The following C10orf90 variants were observed in gnomAD, a reference collection of about 807,000 sequenced individuals.
The protein encoded by C10orf90 is chromosome 10 open reading frame 90.
In C10orf90, 56 loss-of-function variants were observed where a neutral mutation model predicts 62.5. That is an observed-to-expected ratio of 0.90 (90% CI 0.72 to 1.12). C10orf90 has a LOEUF of 1.12. C10orf90 is among the 50% of genes most tolerant of loss of function. The pLI, the probability that C10orf90 is intolerant of heterozygous loss-of-function variation, is 0.00. For synonymous variants in C10orf90, 386 were observed against 340.4 expected (o/e 1.13, Z -1.47); for missense variants, 970 against 880.4 (o/e 1.10, Z -1.29).
chr10:126,604,685 G>A (rs1294653084), intron 2 of C10orf90, among the ~76,000 whole-genome samples: 1 of 152,222 alleles, frequency 6.6e-6, no homozygotes, highest in Non-Finnish European at 1.5e-5. Flanking sequence ...CAAAGGGTCA[G>A]AAAGGCTGAG....
intron 2 of C10orf90, among the ~76,000 whole-genome samples, chr10:126,616,629 T>C (rs7082850): frequency 0.048 from 7,328 of 152,218 alleles, 510 homozygotes; most frequent in African/African-American, 0.16. Context: ...GCTCTTTGTC[T>C]ACTAACTTAA....
intron 4 of C10orf90, among the ~76,000 whole-genome samples, chr10:126,490,107 A>G (rs1464951840): frequency 9.4e-6 from 1 of 106,684 alleles, no homozygotes; most frequent in African/African-American, 3.4e-5. Context: ...TATAATATAT[A>G]TGTATATAAT....
Position 126,503,692 on chromosome 10 carries a change from C to T in C10orf90, c.1534+265G>A, listed in dbSNP as rs776491622. On this transcript the variant is annotated intron_variant, in intron 4 of 9. Coordinates refer to ENST00000488181, the MANE Select transcript of C10orf90 (RefSeq NM_001350921.2). The stretch of plus-strand genomic sequence containing the variant: ...AACTTCCTTTGGAGGCCCTCATTTC[C>T]TTCTCATTACATATGGTCTGGAACT... Among the ~76,000 whole-genome samples the T allele has an allele frequency of 1.0e-3, 153 of 152,256 alleles. 1 individual carries two copies. Among genetic ancestry groups the T allele is most frequent in the Non-Finnish European group, 1.9e-3 (130 of 68,024 alleles).
At chr10:126,574,192 T>C (rs1170810080) in intron 2 of C10orf90, among the ~76,000 whole-genome samples, 2 of 152,204 alleles carry the variant, frequency 1.3e-5, no homozygotes, top group African/African-American at 4.8e-5. Flanking sequence ...ATGTTGTGCA[T>C]AGTCACAAAA....
At chr10:126,655,564 C>T (rs1023055210) in intron 1 of C10orf90, among the ~76,000 whole-genome samples, 3 of 152,144 alleles carry the variant, frequency 2.0e-5, no homozygotes, top group Non-Finnish European at 2.9e-5. Flanking sequence ...ATGAGCTGTA[C>T]TTGACAATGT....
At chr10:126,462,467 C>T (rs79692905) in intron 5 of C10orf90, among the ~76,000 whole-genome samples, 6,442 of 152,238 alleles carry the variant, frequency 0.042, 464 homozygotes, top group African/African-American at 0.15. Context: ...CAAAAGTCTC[C>T]CTCCCCTTCC....
chr10:126,430,032 C>T (rs370674545), intron 7 of C10orf90, among the ~76,000 whole-genome samples, 182 bp from the exon 8 acceptor site: 6 of 152,136 alleles, frequency 3.9e-5, no homozygotes, highest in East Asian at 1.9e-4. Flanking sequence ...TGGCCAACAA[C>T]GGGTTTGGTC....
At chr10:126,581,535 TC>T (rs1329025409) in intron 2 of C10orf90, among the ~76,000 whole-genome samples, 1 of 152,024 alleles carries the variant, frequency 6.6e-6, no homozygotes, top group African/African-American at 2.4e-5. Context: ...TCATGTTTCC[TC>T]TCTTCTCCTT....
intron 1 of C10orf90, among the ~76,000 whole-genome samples, chr10:126,669,486 A>C (rs1846702180): frequency 6.6e-6 from 1 of 152,236 alleles, no homozygotes; most frequent in African/African-American, 2.4e-5. Context: ...ACATCTATCA[A>C]AAGAGATGGG....
chr10:126,636,136 C>T (rs994759120), intron 2 of C10orf90, among the ~76,000 whole-genome samples: 3 of 152,196 alleles, frequency 2.0e-5, no homozygotes, highest in African/African-American at 4.8e-5. Context: ...CCTTACCTGT[C>T]TTCTGCTCAA....
intron 7 of C10orf90, 137 bp downstream of exon 7, chr10:126,458,903 C>G: frequency 1.1e-6 from 1 of 935,396 alleles, no homozygotes; most frequent in Non-Finnish European, 1.6e-6. Flanking sequence ...TGCTGAGGGT[C>G]AGCCACTTGG....
chr10:126,636,705 T>C (rs78838634), intron 2 of C10orf90, among the ~76,000 whole-genome samples: 5,029 of 152,290 alleles, frequency 0.033, 257 homozygotes, highest in African/African-American at 0.11. Flanking sequence ...TGTGTCACTT[T>C]CAATTTATGT....
chr10:126,464,602 C>T (rs554909863), intron 5 of C10orf90, 94 bp downstream of exon 5: 45 of 1,310,756 alleles, frequency 3.4e-5, no homozygotes, highest in African/African-American at 4.4e-5. Flanking sequence ...ATCAGGTGAA[C>T]GGTGACAGTA....
chr10:126,594,567 C>T (rs1845047163), intron 2 of C10orf90, among the ~76,000 whole-genome samples: 1 of 152,140 alleles, frequency 6.6e-6, no homozygotes. Context: ...TGTATTCAGA[C>T]AGAAGGATTG....
chr10:126,425,954 C>T, intron 9 of C10orf90, 37 bp downstream of exon 9: 2 of 1,613,374 alleles, frequency 1.2e-6, no homozygotes. Context: ...CATCTGTGCA[C>T]CACACACATC....
intron 2 of C10orf90, among the ~76,000 whole-genome samples, chr10:126,601,494 A>G (rs948421832): frequency 6.6e-6 from 1 of 152,208 alleles, no homozygotes; most frequent in Non-Finnish European, 1.5e-5. Flanking sequence ...TGACACAGGG[A>G]CTGTGCTTTA....
intron 7 of C10orf90, among the ~76,000 whole-genome samples, chr10:126,442,478 C>CATATATATAT (rs55780866): frequency 0.014 from 469 of 33,762 alleles, 44 homozygotes; most frequent in African/African-American, 0.025. Context: ...TTCAATATTT[C>CATATATATAT]ATATATATAT....
chr10:126,647,995 C>A (rs1051999514), intron 1 of C10orf90, among the ~76,000 whole-genome samples: 29 of 152,138 alleles, frequency 1.9e-4, no homozygotes, highest in Middle Eastern at 3.2e-3. Context: ...ATGTGTCCCC[C>A]AAAATTCATG....
At chr10:126,618,900 A>C (rs1207526593) in intron 2 of C10orf90, among the ~76,000 whole-genome samples, 3 of 152,206 alleles carry the variant, frequency 2.0e-5, no homozygotes, top group Admixed American at 1.3e-4. Context: ...GCCACTATTC[A>C]CAGTAGCAAA....
Sources: gnomAD v4.1 joint callset for allele counts (sites outside exome capture counted in the v4.1 genomes callset) on GRCh38, gnomAD v4.1.1 for gene constraint, MANE v1.5 for transcripts, NCBI Gene and HGNC (gene_info 2026-07-23, HGNC 2026-07-21) for gene names.